MCU: variants seen among roughly 807,000 people sequenced by gnomAD.
The protein encoded by MCU is mitochondrial calcium uniporter.
In MCU, 12 loss-of-function variants were observed where a neutral mutation model predicts 45.2. The observed-to-expected ratio is 0.27, with a 90% CI of 0.17 to 0.43. The LOEUF (loss-of-function observed/expected upper bound fraction) is 0.43. MCU is among the 20% of genes least tolerant of loss of function. The probability of loss-of-function intolerance (pLI) is 1.00; values close to 1 mark genes in which losing one functional copy is unlikely to be tolerated. For missense variants in MCU, 324 were observed against 436.7 expected (o/e 0.74, Z 2.30); for synonymous variants, 160 against 165.1 (o/e 0.97, Z 0.24).
intron 2 of MCU, among the ~76,000 whole-genome samples, chr10:72,836,407 G>A (rs779462221): frequency 5.9e-5 from 9 of 151,836 alleles, no homozygotes; most frequent in Non-Finnish European, 1.2e-4. Flanking sequence ...ACTTATTACC[G>A]TTACTATTAT....
rs764740935 is a variant in MCU at position 72,884,374 on chromosome 10, A to G, written c.970A>G (p.Ile324Val). ...LEKYNQLKDA[I>V]AQAEMDLKRL... ...GAAATACAATCAACTCAAGGATGCA[A>G]TTGCTCAGGTAAGTTTTACAAAAAT... Residue 324 changes from isoleucine to valine, a missense_variant, in exon 7 of 8, where the codon ATT becomes GTT. Physicochemically the swap from Ile to Val is conservative, Grantham distance 29 (BLOSUM62 3). Around this residue, in one of 4 missense-constraint regions of MCU, gnomAD observed 76 missense variants for 99.4 expected, o/e 0.76. Transcript: ENST00000373053. 1 of 1,591,314 alleles carries G rather than the reference A, an allele frequency of 6.3e-7. No individual in the cohort carries two copies. The highest frequency in any genetic ancestry group is 8.6e-7 in the Non-Finnish European group (1 of 1,159,668).
chr10:72,764,755 C>T (rs1036013460), intron 1 of MCU, among the ~76,000 whole-genome samples: 6 of 151,908 alleles, frequency 3.9e-5, no homozygotes, highest in African/African-American at 1.5e-4. Context: ...AATGTAATTG[C>T]CATGAAGTTC....
At chr10:72,732,137 G>A (rs1007870281) in intron 1 of MCU, among the ~76,000 whole-genome samples, 5 of 152,144 alleles carry the variant, frequency 3.3e-5, no homozygotes, top group South Asian at 2.1e-4. Flanking sequence ...TATTTTAGCC[G>A]TCCTACTGGA....
At chr10:72,771,225 A>G (rs372434121) in intron 1 of MCU, among the ~76,000 whole-genome samples, 104 of 151,890 alleles carry the variant, frequency 6.8e-4, no homozygotes, top group African/African-American at 2.2e-3. Context: ...ACAGGCCCCA[A>G]TGTGTGATGT....
chr10:72,834,309 T>A, intron 1 of MCU, 50 bp from the exon 2 acceptor site: 1 of 1,347,370 alleles, frequency 7.4e-7, no homozygotes, highest in Non-Finnish European at 1.1e-6. Flanking sequence ...CACATAAGTA[T>A]ATGTTTGTTG....
intron 1 of MCU, among the ~76,000 whole-genome samples, chr10:72,730,145 G>C (rs149998018): frequency 0.015 from 2,232 of 151,464 alleles, 23 homozygotes; most frequent in Non-Finnish European, 0.026. Flanking sequence ...ATTTTGAGTA[G>C]AGATGGGGTT....
rs549309905 is a variant in MCU at position 72,707,481 on chromosome 10, C to T, written c.150+15180C>T. ...CCCAAAGTCTGGGATTGCAGGCATGCGCCACTGCACCTGACTCGCCTTTTG... is the reference window on the plus strand; with the variant it reads ...CCCAAAGTCTGGGATTGCAGGCATGTGCCACTGCACCTGACTCGCCTTTTG... On this transcript the variant is annotated intron_variant, in intron 1 of 7. Coordinates refer to ENST00000373053, the MANE Select transcript of MCU (RefSeq NM_138357.3). 3.2e-4 allele frequency among the ~76,000 whole-genome samples: 48 copies of T among 152,214 alleles called. 1 individual carries two copies. The highest frequency in any genetic ancestry group is 3.4e-3 in the Middle Eastern group (1 of 294).
At chr10:72,759,972 CTT>C (rs1303890440) in intron 1 of MCU, among the ~76,000 whole-genome samples, 1 of 152,102 alleles carries the variant, frequency 6.6e-6, no homozygotes, top group Non-Finnish European at 1.5e-5. Context: ...GCCATCCACT[CTT>C]TGATATTTTG....
rs753160618 is a variant in MCU at position 72,692,199 on chromosome 10, GGGCGGC to G, written c.57_62del (p.Gly21_Gly22del). ...CGCTCCTGCTGCTCCTCTCCTCTCG[GGGCGGC>G]GGCGGCGGGGGCGCCGGCGGCTGCG... On this transcript the variant is annotated inframe_deletion, in exon 1 of 8. Transcript: ENST00000373053. The G allele has an allele frequency of 7.9e-7, 1 of 1,262,238 alleles. No homozygotes were observed. The highest frequency in any genetic ancestry group is 3.7e-5 in the Admixed American group (1 of 26,870). 78.2% of individuals were successfully genotyped at this position (1,262,238 alleles called of 1,614,324 possible).
chr10:72,827,854 CA>C (rs945060841), intron 1 of MCU, among the ~76,000 whole-genome samples: 4 of 152,174 alleles, frequency 2.6e-5, no homozygotes, highest in Admixed American at 2.6e-4. Context: ...GAAGTGGGCC[CA>C]AGTCTTCCCA....
At chr10:72,840,905 T>C (rs1288379474) in intron 2 of MCU, among the ~76,000 whole-genome samples, 2 of 152,188 alleles carry the variant, frequency 1.3e-5, no homozygotes, top group Non-Finnish European at 2.9e-5. Flanking sequence ...TTGACTTTTA[T>C]AGAAAAGTCA....
chr10:72,867,712 G>A lies in MCU; in HGVS notation c.497-991G>A, dbSNP rs190008997. ...ACTAAAATATACAAAAAAATTAGCC[G>A]GGCATGGTGGTGGGCGCCTGTAGTC... On this transcript the variant is annotated intron_variant, in intron 4 of 7. Transcript: ENST00000373053. Among the ~76,000 whole-genome samples, 993 of 152,058 alleles carry A rather than the reference G, an allele frequency of 6.5e-3. 16 individuals are homozygous for A. Among genetic ancestry groups the A allele is most frequent in the African/African-American group, 0.023 (934 of 41,474 alleles).
chr10:72,838,686 T>C (rs995362029), intron 2 of MCU, among the ~76,000 whole-genome samples: 1 of 152,216 alleles, frequency 6.6e-6, no homozygotes, highest in Non-Finnish European at 1.5e-5. Flanking sequence ...GTTATGTTTA[T>C]CTTGTACTTA....
intron 1 of MCU, among the ~76,000 whole-genome samples, chr10:72,814,376 A>G (rs896789561): frequency 3.3e-5 from 5 of 151,982 alleles, no homozygotes; most frequent in African/African-American, 1.2e-4. Context: ...CTGACATTGG[A>G]GTTTTTTGTT....
chr10:72,705,580 G>T (rs941055895), intron 1 of MCU, among the ~76,000 whole-genome samples: 1 of 152,200 alleles, frequency 6.6e-6, no homozygotes, highest in Non-Finnish European at 1.5e-5. Context: ...CACTTTGGGA[G>T]GCTGAGGCGG....
intron 1 of MCU, among the ~76,000 whole-genome samples, chr10:72,830,017 A>G (rs1844856369): frequency 2.0e-5 from 3 of 152,342 alleles, no homozygotes; most frequent in East Asian, 1.9e-4. Flanking sequence ...TCCCAAAACT[A>G]CAGAAACTGT....
intron 1 of MCU, among the ~76,000 whole-genome samples, chr10:72,798,191 C>T (rs143541697): frequency 2.2e-4 from 34 of 152,096 alleles, no homozygotes; most frequent in South Asian, 1.0e-3. Context: ...GTACATAACA[C>T]GTAAAGGCAG....
chr10:72,770,175 CA>C (rs1255482527), intron 1 of MCU, among the ~76,000 whole-genome samples: 6 of 151,980 alleles, frequency 3.9e-5, no homozygotes, highest in Admixed American at 6.6e-5. Flanking sequence ...TTTATTATTT[CA>C]ATCCTTTTAA....
At chr10:72,861,386 A>C (rs1845372674) in intron 4 of MCU, among the ~76,000 whole-genome samples, 1 of 151,882 alleles carries the variant, frequency 6.6e-6, no homozygotes. Context: ...GTAAGAGGGC[A>C]CCAAAAAACT....
Sources: gnomAD v4.1 joint callset for allele counts (sites outside exome capture counted in the v4.1 genomes callset) on GRCh38, gnomAD v4.1.1 for gene constraint, gnomAD v4.1.1 regional missense constraint, MANE v1.5 for transcripts, NCBI Gene and HGNC (gene_info 2026-07-23, HGNC 2026-07-21) for gene names.